WDFY2: variants seen among roughly 807,000 people sequenced by gnomAD.
WDFY2 encodes the protein WD repeat and FYVE domain containing 2, also known as WD repeat and FYVE domain-containing protein 2.
In WDFY2, 36 loss-of-function variants were observed where a neutral mutation model predicts 56.4. The ratio of observed to expected loss-of-function variants is 0.64; its 90% CI spans 0.49 to 0.84. WDFY2 has a LOEUF of 0.84. Ranked by LOEUF, WDFY2 falls within the 40% of genes least tolerant of loss-of-function variation. WDFY2 has a pLI of 0.00. For missense variants in WDFY2, 444 were observed against 512.2 expected, an observed-to-expected ratio of 0.87 and a Z score of 1.29; for synonymous variants, 176 against 183.7, an observed-to-expected ratio of 0.96 and a Z score of 0.34.
intron 1 of WDFY2, among the ~76,000 whole-genome samples, chr13:51,600,537 A>G (rs904721826): frequency 1.3e-5 from 2 of 152,178 alleles, no homozygotes; most frequent in African/African-American, 4.8e-5. Context: ...TTTACATTAC[A>G]GTCTAGATAA....
intron 1 of WDFY2, among the ~76,000 whole-genome samples, chr13:51,653,113 C>T (rs1024755490): frequency 1.3e-5 from 2 of 152,108 alleles, no homozygotes; most frequent in African/African-American, 4.8e-5. Flanking sequence ...TCTTTTTATT[C>T]TTTTTTCTCT....
chr13:51,738,558 A>T (rs1251455597), intron 6 of WDFY2, among the ~76,000 whole-genome samples: 1 of 152,254 alleles, frequency 6.6e-6, no homozygotes, highest in East Asian at 1.9e-4. Context: ...GAATCTGTAA[A>T]TTAAAATTCC....
chr13:51,667,005 C>T lies in WDFY2; in HGVS notation c.205+6342C>T, dbSNP rs576228221. 1.4e-4 allele frequency among the ~76,000 whole-genome samples: 21 copies of T among 152,280 alleles called. No individual in the cohort carries two copies. In the East Asian group the frequency reaches 4.1e-3, roughly 29 times the overall value. ...AACTGGAATTTGATTTTCATTTTTGCTACAATTTGCTGAATCACTTTGGGC... is the reference window on the plus strand; with the variant it reads ...AACTGGAATTTGATTTTCATTTTTGTTACAATTTGCTGAATCACTTTGGGC... On this transcript the variant is annotated intron_variant, in intron 2 of 11. Coordinates refer to ENST00000298125, the MANE Select transcript of WDFY2 (RefSeq NM_052950.4).
At chr13:51,655,018 G>A (rs145562619) in intron 1 of WDFY2, among the ~76,000 whole-genome samples, 26 of 152,246 alleles carry the variant, frequency 1.7e-4, no homozygotes, top group Middle Eastern at 3.4e-3. Context: ...TTTGTTATTA[G>A]AAACACAGAT....
intron 3 of WDFY2, among the ~76,000 whole-genome samples, chr13:51,700,726 G>A (rs984477043): frequency 5.9e-5 from 9 of 152,226 alleles, no homozygotes. Flanking sequence ...AGCACTTTGG[G>A]AGGCTGAGAC....
chr13:51,608,113 C>G (rs1356624961), intron 1 of WDFY2, among the ~76,000 whole-genome samples: 1 of 152,230 alleles, frequency 6.6e-6, no homozygotes, highest in African/African-American at 2.4e-5. Flanking sequence ...CCCCTTAACA[C>G]TCACTTTGGA....
In WDFY2 at chr13:51,610,950, C is replaced by T. The variant is rs530666919; in HGVS notation, c.137+26126C>T. ...TTGGTGATCACCTGTCAATTTATTT[C>T]CCCTAGATTCATGATTTTATTTTTG... On this transcript the variant is annotated intron_variant, in intron 1 of 11. Transcript: ENST00000298125. Among the ~76,000 whole-genome samples, 5 of 152,184 alleles carry T rather than the reference C, an allele frequency of 3.3e-5. No homozygotes were observed. In the East Asian group the frequency reaches 9.6e-4, roughly 29 times the overall value.
chr13:51,759,902 T>TGGGTAATCTGCAAA lies in WDFY2; in HGVS notation c.*133_*134insGGGTAATCTGCAAA. ...TAAAGACCCTGAATGAATTTGCAGA[T>TGGGTAATCTGCAAA]TACCCATGTGCACAGTGGGGACCTG... On this transcript the variant is annotated 3_prime_UTR_variant, in exon 12 of 12. Transcript: ENST00000298125. The TGGGTAATCTGCAAA allele has an allele frequency of 3.0e-6, 3 of 1,002,334 alleles. No individual in the cohort carries two copies. The highest frequency in any genetic ancestry group is 4.5e-6 in the Non-Finnish European group (3 of 666,728). The allele number at this position is 1,002,334 out of a possible 1,614,324, so 62.1% of individuals were successfully genotyped here.
At chr13:51,728,293 T>C (rs1014709189) in intron 6 of WDFY2, among the ~76,000 whole-genome samples, 11 of 152,342 alleles carry the variant, frequency 7.2e-5, no homozygotes, top group Middle Eastern at 3.4e-3. Flanking sequence ...TTCCTTCATA[T>C]CCTTTTCAGG....
chr13:51,724,431 G>T (rs912339141), intron 5 of WDFY2, among the ~76,000 whole-genome samples: 9 of 152,016 alleles, frequency 5.9e-5, no homozygotes, highest in Non-Finnish European at 1.0e-4. Context: ...TAGAGACAGG[G>T]TTTCACTATG....
intron 7 of WDFY2, among the ~76,000 whole-genome samples, chr13:51,748,072 A>G (rs1257728774): frequency 6.6e-6 from 1 of 152,124 alleles, no homozygotes; most frequent in East Asian, 1.9e-4. Context: ...GCCCTGGGAA[A>G]CAACCTTCCT....
intron 1 of WDFY2, chr13:51,591,329 G>C (rs1247776987): frequency 2.6e-5 from 4 of 152,214 alleles, no homozygotes; most frequent in African/African-American, 9.6e-5. Context: ...TTTATTCCTG[G>C]ATGAAATATT....
At chr13:51,616,275 T>A (rs1954612147) in intron 1 of WDFY2, among the ~76,000 whole-genome samples, 1 of 152,234 alleles carries the variant, frequency 6.6e-6, no homozygotes, top group South Asian at 2.1e-4. Flanking sequence ...TTCATGATTC[T>A]CATAATGCCA....
rs920011786 is a variant in WDFY2 at position 51,760,417 on chromosome 13, G to A, written c.*648G>A. On this transcript the variant is annotated 3_prime_UTR_variant, in exon 12 of 12. Coordinates refer to ENST00000298125, the MANE Select transcript of WDFY2 (RefSeq NM_052950.4). ...ACGTTCTTATGAAGTAGAAAAGACTGTGTTTCTGCCTCAGTTGCCTCTGTC... is the reference window on the plus strand; with the variant it reads ...ACGTTCTTATGAAGTAGAAAAGACTATGTTTCTGCCTCAGTTGCCTCTGTC... The A allele has an allele frequency of 1.3e-5, 2 of 151,990 alleles. No individual in the cohort carries two copies. Among genetic ancestry groups the A allele is most frequent in the African/African-American group, 4.8e-5 (2 of 41,338 alleles). The allele number at this position is 151,990 out of a possible 1,614,324, so 9.4% of individuals were successfully genotyped here.
chr13:51,626,999 C>A (rs1237821014), intron 1 of WDFY2, among the ~76,000 whole-genome samples: 1 of 152,236 alleles, frequency 6.6e-6, no homozygotes, highest in Admixed American at 6.5e-5. Flanking sequence ...CTGGCCACTG[C>A]ACACAGCCAG....
chr13:51,659,937 C>A (rs1337797429), intron 1 of WDFY2, among the ~76,000 whole-genome samples: 3 of 152,106 alleles, frequency 2.0e-5, no homozygotes, highest in Admixed American at 2.0e-4. Context: ...CAAATAGTTC[C>A]CCAGCCAGAT....
At chr13:51,749,966 C>CA (rs1274687410) in intron 7 of WDFY2, among the ~76,000 whole-genome samples, 2 of 152,058 alleles carry the variant, frequency 1.3e-5, no homozygotes, top group Non-Finnish European at 2.9e-5. Flanking sequence ...TTCACTTGAC[C>CA]AGCTATCCTG....
chr13:51,644,092 G>A (rs2138410807), intron 1 of WDFY2, among the ~76,000 whole-genome samples: 1 of 145,304 alleles, frequency 6.9e-6, no homozygotes, highest in Middle Eastern at 3.4e-3. Context: ...GTGGATATGT[G>A]TGTATCTCTG....
chr13:51,709,920 C>T (rs1441096050), intron 4 of WDFY2, among the ~76,000 whole-genome samples: 1 of 152,168 alleles, frequency 6.6e-6, no homozygotes, highest in Non-Finnish European at 1.5e-5. Flanking sequence ...AGGGAATCCT[C>T]CCCAATTCAT....
Sources: allele counts gnomAD v4.1 joint callset (sites outside exome capture counted in the v4.1 genomes callset), GRCh38; gene constraint gnomAD v4.1.1; transcripts MANE v1.5; gene names NCBI Gene and HGNC (gene_info 2026-07-23, HGNC 2026-07-21).